The following CACNA1D variants were observed in gnomAD, a reference collection of about 807,000 sequenced individuals.
The protein encoded by CACNA1D is voltage-dependent L-type calcium channel subunit alpha-1D.
Under a neutral mutation model 257.1 loss-of-function variants are expected in CACNA1D, and 55 were observed. The observed-to-expected ratio is 0.21, with a 90% CI of 0.17 to 0.27. CACNA1D has a LOEUF of 0.27. Among genes scored for constraint, CACNA1D ranks in the 10% least tolerant of loss-of-function variants. The pLI is 1.00. For synonymous variants in CACNA1D, 980 were observed against 1,014.9 expected (o/e 0.97, Z 0.65); for missense variants, 1,876 against 2,784.0 (o/e 0.67, Z 7.34).
intron 3 of CACNA1D, among the ~76,000 whole-genome samples, chr3:53,622,104 G>C (rs1387649331): frequency 6.6e-6 from 1 of 151,832 alleles, no homozygotes. Context: ...CTGGAGTGCA[G>C]TGACACGATA....
rs1265039050 is a variant in CACNA1D at position 53,800,559 on chromosome 3, C to A, written c.5040+194C>A. 2 of 660,166 alleles carry A rather than the reference C, an allele frequency of 3.0e-6. No homozygotes were observed. The highest frequency in any genetic ancestry group is 5.5e-6 in the Non-Finnish European group (2 of 360,680). The allele number at this position is 660,166 out of a possible 1,614,324, so 40.9% of individuals were successfully genotyped here. ...ATCAGCACCTCTTCTAGGGCCAGGC[C>A]AGCTCTTTCCCTGAGCTTACCCAGC... On this transcript the variant is annotated intron_variant, in intron 41 of 47. Transcript: ENST00000350061. The surrounding 1 kb of genome is among the most constrained non-coding windows in gnomAD (Gnocchi z 4.3).
At chr3:53,576,136 C>G (rs1200143673) in intron 3 of CACNA1D, among the ~76,000 whole-genome samples, 1 of 152,144 alleles carries the variant, frequency 6.6e-6, no homozygotes, top group African/African-American at 2.4e-5. Flanking sequence ...AGATAAGACA[C>G]TTAACCCACA....
chr3:53,668,223 G>A (rs2094288392), intron 7 of CACNA1D, among the ~76,000 whole-genome samples: 1 of 152,120 alleles, frequency 6.6e-6, no homozygotes, highest in Non-Finnish European at 1.5e-5. Context: ...GTCAGCTGCA[G>A]AGCCAACATG....
intron 3 of CACNA1D, among the ~76,000 whole-genome samples, chr3:53,583,542 G>C (rs2093165828): frequency 6.6e-6 from 1 of 152,114 alleles, no homozygotes; most frequent in African/African-American, 2.4e-5. Flanking sequence ...GCCCCTCCTT[G>C]ACCTGAGGGG....
intron 40 of CACNA1D, chr3:53,799,925 C>T (rs2095527670): frequency 5.0e-6 from 2 of 399,272 alleles, no homozygotes; most frequent in Non-Finnish European, 9.5e-6. Context: ...TGAAGACTGT[C>T]ACTGAGACAG....
intron 3 of CACNA1D, among the ~76,000 whole-genome samples, chr3:53,590,114 G>T (rs3774464): frequency 6.6e-6 from 1 of 152,238 alleles, no homozygotes; most frequent in Non-Finnish European, 1.5e-5. Context: ...GATGGATCCA[G>T]CTAGTGGTCC....
intron 25 of CACNA1D, among the ~76,000 whole-genome samples, chr3:53,746,198 G>T (rs969711287): frequency 2.0e-4 from 30 of 152,206 alleles, no homozygotes; most frequent in African/African-American, 6.5e-4. Context: ...GATGGGAGTT[G>T]GGGGAACCCT....
At chr3:53,547,501 C>A (rs1432488126) in intron 3 of CACNA1D, among the ~76,000 whole-genome samples, 1 of 152,216 alleles carries the variant, frequency 6.6e-6, no homozygotes, top group East Asian at 1.9e-4. Context: ...GTCTTACTTT[C>A]TCTTTCCTTC....
intron 44 of CACNA1D, among the ~76,000 whole-genome samples, chr3:53,803,967 G>A (rs1474555002): frequency 6.6e-6 from 1 of 152,126 alleles, no homozygotes; most frequent in East Asian, 1.9e-4. Context: ...CCAGCCTGGA[G>A]CTGGGCCAGG....
chr3:53,671,147 T>A (rs1051086285), intron 7 of CACNA1D, among the ~76,000 whole-genome samples: 54 of 152,330 alleles, frequency 3.5e-4, no homozygotes, highest in African/African-American at 1.3e-3. Flanking sequence ...GGGTTTTAAA[T>A]TTTTTAAAGG....
At chr3:53,725,252 C>A (rs2094924058) in intron 14 of CACNA1D, among the ~76,000 whole-genome samples, 1 of 152,126 alleles carries the variant, frequency 6.6e-6, no homozygotes, top group African/African-American at 2.4e-5. Flanking sequence ...CTTTGAGTGT[C>A]CTCAAGAGCC....
At chr3:53,502,363 C>T (rs532894142) in intron 3 of CACNA1D, among the ~76,000 whole-genome samples, 1 of 152,026 alleles carries the variant, frequency 6.6e-6, no homozygotes, top group Non-Finnish European at 1.5e-5. Context: ...TTATAGTGCA[C>T]ATTAGCTTAG....
chr3:53,623,846 G>A (rs530099337), intron 3 of CACNA1D, among the ~76,000 whole-genome samples: 6 of 152,244 alleles, frequency 3.9e-5, no homozygotes, highest in East Asian at 3.9e-4. Flanking sequence ...GCTTGGAGCC[G>A]CTTTAGAATT....
intron 21 of CACNA1D, 46 bp from the exon 22 acceptor site, chr3:53,742,965 C>G: frequency 7.9e-7 from 1 of 1,262,288 alleles, no homozygotes; most frequent in Non-Finnish European, 1.2e-6. Context: ...GGTTTCTTTT[C>G]CTTTGGAGAC....
chr3:53,626,261 A>G (rs2093757645), intron 3 of CACNA1D, among the ~76,000 whole-genome samples: 1 of 152,236 alleles, frequency 6.6e-6, no homozygotes, highest in Non-Finnish European at 1.5e-5. Context: ...GTCAGGTTCC[A>G]GAAAAGCCTG....
At chr3:53,647,960 G>A (rs1254131374) in intron 3 of CACNA1D, among the ~76,000 whole-genome samples, 1 of 152,166 alleles carries the variant, frequency 6.6e-6, no homozygotes, top group Non-Finnish European at 1.5e-5. Context: ...TCTTTAAAAA[G>A]CAGGGAGAGG....
At chr3:53,522,092 T>C (rs919038352) in intron 3 of CACNA1D, among the ~76,000 whole-genome samples, 1 of 152,130 alleles carries the variant, frequency 6.6e-6, no homozygotes, top group Non-Finnish European at 1.5e-5. Context: ...TTTGTGATCA[T>C]GCCACTGCAC....
chr3:53,744,695 C>A, intron 22 of CACNA1D, 45 bp from the exon 23 acceptor site: 1 of 1,002,812 alleles, frequency 1.0e-6, no homozygotes. Context: ...GCATCCTGTC[C>A]ATTTATAACA....
In CACNA1D at chr3:53,495,112, C is replaced by A. The variant is rs975776194; in HGVS notation, c.-55C>A. The A allele has an allele frequency of 3.5e-6, 5 of 1,431,602 alleles. No homozygotes were observed. Among genetic ancestry groups the A allele is most frequent in the Non-Finnish European group, 4.9e-6 (5 of 1,020,746 alleles). The allele number at this position is 1,431,602 out of a possible 1,614,324, so 88.7% of individuals were successfully genotyped here. A position where few individuals can be genotyped will look rare whatever the true frequency, so the allele number is the denominator to read the frequency against. ...ATCCCCTTCCCCATTCCGCCCCCGC[C>A]TCAACGCCCAGCACAGTGCCCTGCA... On this transcript the variant is annotated 5_prime_UTR_variant, in exon 1 of 48. Transcript: ENST00000350061. The surrounding 1 kb of genome is among the most constrained non-coding windows in gnomAD (Gnocchi z 5.1).
Sources: allele counts gnomAD v4.1 joint callset (sites outside exome capture counted in the v4.1 genomes callset), GRCh38; gene constraint gnomAD v4.1.1; non-coding constraint Gnocchi (gnomAD v3.1); transcripts MANE v1.5; gene names NCBI Gene and HGNC (gene_info 2026-07-23, HGNC 2026-07-21).